The following CFAP20DC variants were observed in gnomAD, a reference collection of about 807,000 sequenced individuals.
CFAP20DC encodes CFAP20 domain containing.
CFAP20DC carries 84 observed loss-of-function variants against 101.7 expected under a neutral mutation model. That is an observed-to-expected ratio of 0.83 (90% confidence interval 0.69 to 0.99). The LOEUF (loss-of-function observed/expected upper bound fraction) is 0.99, where lower values mean the gene tolerates loss of function less well. Among genes scored for constraint, CFAP20DC ranks in the 50% least tolerant of loss-of-function variants. The probability of loss-of-function intolerance (pLI) is 0.00; values close to 1 mark genes in which losing one functional copy is unlikely to be tolerated. For missense variants in CFAP20DC, 1,007 were observed against 970.3 expected, an observed-to-expected ratio of 1.04 and a Z score of -0.50; for synonymous variants, 359 against 351.2, an observed-to-expected ratio of 1.02 and a Z score of -0.25.
rs1305243752 is a variant in CFAP20DC at position 58,871,129 on chromosome 3, A to G, written c.716-820T>C. ...ACCAATGTAAGGCAGGCCAGTGGCA[A>G]TGAAGAATAAGTGACCCCTTCATGG... On this transcript the variant is annotated intron_variant, in intron 7 of 16. Coordinates refer to ENST00000482387, the MANE Select transcript of CFAP20DC (RefSeq NM_001394063.1). Among the ~76,000 whole-genome samples, 3 of 152,112 alleles carry G rather than the reference A, an allele frequency of 2.0e-5. No individual in the cohort carries two copies. The East Asian group carries it at 5.8e-4, about 29-fold the overall frequency.
intron 15 of CFAP20DC, among the ~76,000 whole-genome samples, chr3:58,786,265 C>G (rs180688823): frequency 6.6e-6 from 1 of 152,244 alleles, no homozygotes; most frequent in Non-Finnish European, 1.5e-5. Context: ...AATGCCTGCT[C>G]TATCCCACTT....
chr3:58,794,319 A>G (rs993145113), intron 15 of CFAP20DC: 7 of 455,636 alleles, frequency 1.5e-5, no homozygotes, highest in African/African-American at 1.4e-4. Flanking sequence ...TGGATGGCAA[A>G]GGACCTAAAG....
At chr3:58,761,690 G>C (rs149519642) in intron 15 of CFAP20DC, among the ~76,000 whole-genome samples, 55 of 152,002 alleles carry the variant, frequency 3.6e-4, no homozygotes, top group East Asian at 3.5e-3. Flanking sequence ...ATAAATTTCC[G>C]TCTACACACT....
rs773648788 is a variant in CFAP20DC, at chr3:58,831,738, C to T, written c.2123G>A (p.Ser708Asn). 4 of 1,614,080 alleles carry T rather than the reference C, an allele frequency of 2.5e-6. No individual in the cohort carries two copies. In the East Asian group the frequency reaches 6.7e-5, roughly 27 times the overall value. ...TGTGTCGTCACTGCTGGTACTTATG[C>T]TGACATTACAGTTGTCCACCTGGGA... ...SASQVDNCNV[S>N]ISTSSDDTTT... The change falls in exon 14 of 17, where the codon AGC (serine) becomes AAC (asparagine). Residue 708 changes from serine to asparagine, a missense_variant. Coordinates refer to ENST00000482387, the MANE Select transcript of CFAP20DC (RefSeq NM_001394063.1).
In CFAP20DC at chr3:58,770,911, T is replaced by C. The variant is rs571953612; in HGVS notation, c.2238-17048A>G. Among the ~76,000 whole-genome samples, 27 of 152,248 alleles carry C rather than the reference T, an allele frequency of 1.8e-4. 1 individual carries two copies. Among genetic ancestry groups the C allele is most frequent in the Admixed American group, 1.6e-3 (25 of 15,282 alleles). ...AGTGTTATTGTGGGAATTTAGTACA[T>C]AGGTGTTTGAAATCATTCTGCAATA... On this transcript the variant is annotated intron_variant, in intron 15 of 16. Transcript: ENST00000482387.
intron 4 of CFAP20DC, among the ~76,000 whole-genome samples, chr3:59,020,543 ATGTG>A (rs10576227): frequency 4.6e-5 from 7 of 151,262 alleles, no homozygotes; most frequent in African/African-American, 7.3e-5. Context: ...GCATGAAATA[ATGTG>A]TGTGTGTGTG....
chr3:58,816,896 C>T (rs1003422243), intron 14 of CFAP20DC, among the ~76,000 whole-genome samples: 1 of 152,204 alleles, frequency 6.6e-6, no homozygotes. Flanking sequence ...CCCTGTCTGA[C>T]AGCTTGGAAG....
chr3:58,953,074 AG>A (rs2090296467), intron 4 of CFAP20DC, among the ~76,000 whole-genome samples: 1 of 152,154 alleles, frequency 6.6e-6, no homozygotes, highest in African/African-American at 2.4e-5. Context: ...ACAGACTGAT[AG>A]GGGTGGGAAG....
At chr3:58,759,397 T>C (rs893543612) in intron 15 of CFAP20DC, among the ~76,000 whole-genome samples, 13 of 152,228 alleles carry the variant, frequency 8.5e-5, no homozygotes, top group African/African-American at 3.1e-4. Flanking sequence ...TTTTTTCTTG[T>C]AAATTTGTTT....
chr3:58,816,990 C>G (rs1173362111), intron 14 of CFAP20DC, among the ~76,000 whole-genome samples: 1 of 152,172 alleles, frequency 6.6e-6, no homozygotes, highest in African/African-American at 2.4e-5. Context: ...CCCCTGACCC[C>G]CGAGCAGCCT....
chr3:58,934,172 A>G lies in CFAP20DC; in HGVS notation c.393+3476T>C, dbSNP rs1392014940. Among the ~76,000 whole-genome samples the G allele has an allele frequency of 2.0e-5, 3 of 152,366 alleles. No individual in the cohort carries two copies. In the East Asian group the frequency reaches 5.8e-4, roughly 29 times the overall value. On this transcript the variant is annotated intron_variant, in intron 5 of 16. Coordinates refer to ENST00000482387, the MANE Select transcript of CFAP20DC (RefSeq NM_001394063.1). Reference sequence around the variant, plus strand: ...TATGCAAATAAACTAGAAAATTTAGAAGTAATGGATAAATTCCTCGACACA... The same window carrying G: ...TATGCAAATAAACTAGAAAATTTAGGAGTAATGGATAAATTCCTCGACACA...
intron 4 of CFAP20DC, among the ~76,000 whole-genome samples, chr3:59,039,020 A>C (rs1163170764): frequency 1.3e-5 from 2 of 152,142 alleles, no homozygotes; most frequent in African/African-American, 4.8e-5. Flanking sequence ...TTTCATTCTC[A>C]ATAACATCTC....
rs2067596637 is a variant in CFAP20DC, at chr3:58,728,993, T to C, written c.198-11365A>G. On this transcript the variant is annotated intron_variant, in intron 3 of 3. Coordinates refer to the CFAP20DC transcript ENST00000486145. The surrounding 1 kb of genome is among the most constrained non-coding windows in gnomAD (Gnocchi z 4.7). ...GCTCCCTTTGTGGCTTCTTGGATCA[T>C]TTCTCTGAAGGAAGCCAACCACAAT... 6.6e-6 allele frequency among the ~76,000 whole-genome samples: 1 copy of C among 152,176 alleles called. No individual in the cohort carries two copies. Among genetic ancestry groups the C allele is most frequent in the Admixed American group, 6.5e-5 (1 of 15,278 alleles).
intron 4 of CFAP20DC, among the ~76,000 whole-genome samples, chr3:59,030,384 A>C (rs2093967990): frequency 6.6e-6 from 1 of 152,212 alleles, no homozygotes; most frequent in African/African-American, 2.4e-5. Flanking sequence ...AAACAGCACT[A>C]TATTTTGATT....
intron 14 of CFAP20DC, among the ~76,000 whole-genome samples, chr3:58,818,070 C>T (rs2075332902): frequency 6.6e-6 from 1 of 150,528 alleles, no homozygotes; most frequent in African/African-American, 2.5e-5. Context: ...AAATAAAATA[C>T]TTCACAGACA....
chr3:59,047,662 C>G (rs1218257752), intron 1 of CFAP20DC, among the ~76,000 whole-genome samples: 1 of 152,202 alleles, frequency 6.6e-6, no homozygotes, highest in Non-Finnish European at 1.5e-5. Flanking sequence ...TAGTTATCTC[C>G]AAATACAAGC....
intron 16 of CFAP20DC, among the ~76,000 whole-genome samples, chr3:58,749,475 C>T (rs891557921): frequency 6.6e-6 from 1 of 152,174 alleles, no homozygotes; most frequent in Non-Finnish European, 1.5e-5. Flanking sequence ...TTTCTGTAAA[C>T]TCTTTACTAG....
intron 4 of CFAP20DC, among the ~76,000 whole-genome samples, chr3:58,968,977 T>C (rs1455520301): frequency 1.3e-5 from 2 of 152,168 alleles, no homozygotes; most frequent in African/African-American, 4.8e-5. Flanking sequence ...CTTTTCCCCA[T>C]TCCTTGATTT....
At position 58,899,517 on chromosome 3, in the gene CFAP20DC, G is replaced by C. The variant is rs1031233486; in HGVS notation, c.550+14191C>G. On this transcript the variant is annotated intron_variant, in intron 6 of 16. Transcript: ENST00000482387. The surrounding 1 kb of genome is among the most constrained non-coding windows in gnomAD (Gnocchi z 5.0). ...CACCTTGCTGAGAATCCTGGGGGTG[G>C]AGTATGCAAAACTCCTGGGTCTCTG... Among the ~76,000 whole-genome samples, 2 of 152,170 alleles carry C rather than the reference G, an allele frequency of 1.3e-5. No individual in the cohort carries two copies. The highest frequency in any genetic ancestry group is 2.9e-5 in the Non-Finnish European group (2 of 68,040).
Sources: gnomAD v4.1 joint callset for allele counts (sites outside exome capture counted in the v4.1 genomes callset) on GRCh38, gnomAD v4.1.1 for gene constraint, Gnocchi (gnomAD v3.1) non-coding constraint, MANE v1.5 for transcripts, NCBI Gene and HGNC (gene_info 2026-07-23, HGNC 2026-07-21) for gene names.